The following ITCH variants were observed in gnomAD, a reference collection of about 807,000 sequenced individuals.
ITCH encodes E3 ubiquitin-protein ligase Itchy homolog.
Under a neutral mutation model 126.8 loss-of-function variants are expected in ITCH, and 28 were observed. The ratio of observed to expected loss-of-function variants is 0.22; its 90% CI spans 0.16 to 0.30. The LOEUF (loss-of-function observed/expected upper bound fraction) is 0.30, where lower values mean the gene tolerates loss of function less well. Among genes scored for constraint, ITCH ranks in the 10% least tolerant of loss-of-function variants. The probability of loss-of-function intolerance (pLI) is 1.00; values close to 1 mark genes in which losing one functional copy is unlikely to be tolerated. For missense variants in ITCH, 631 were observed against 1,032.4 expected (o/e 0.61, Z 5.33); for synonymous variants, 342 against 340.0 (o/e 1.01, Z -0.06).
chr20:34,399,783 G>T (rs986654373), intron 3 of ITCH, among the ~76,000 whole-genome samples: 3 of 152,090 alleles, frequency 2.0e-5, no homozygotes, highest in Admixed American at 1.3e-4. Flanking sequence ...AGAGGTTGCA[G>T]TAAGCCAAGA....
chr20:34,482,355 G>A (rs1988814149), intron 20 of ITCH, among the ~76,000 whole-genome samples: 1 of 152,174 alleles, frequency 6.6e-6, no homozygotes, highest in Non-Finnish European at 1.5e-5. Flanking sequence ...AGTCCCTTCC[G>A]CCTATGAGCC....
intron 23 of ITCH, among the ~76,000 whole-genome samples, chr20:34,502,458 C>G (rs554442307): frequency 3.9e-5 from 6 of 152,096 alleles, no homozygotes; most frequent in Non-Finnish European, 7.4e-5. Context: ...CACCTGTAAT[C>G]CCAGCACTTT....
intron 3 of ITCH, chr20:34,402,465 C>G: frequency 1.3e-6 from 1 of 767,614 alleles, no homozygotes; most frequent in Non-Finnish European, 2.4e-6. Flanking sequence ...ATGGAGAGAC[C>G]ACTGAAAAAT....
intron 16 of ITCH, among the ~76,000 whole-genome samples, chr20:34,474,099 A>G (rs1427471332): frequency 6.6e-6 from 1 of 152,254 alleles, no homozygotes; most frequent in Admixed American, 6.5e-5. Flanking sequence ...TTTTTCTATC[A>G]CATTAACTAT....
chr20:34,482,897 C>G (rs576140793), intron 20 of ITCH, among the ~76,000 whole-genome samples: 1 of 152,188 alleles, frequency 6.6e-6, no homozygotes, highest in Non-Finnish European at 1.5e-5. Flanking sequence ...CATTTCCATA[C>G]GTCTTCTGAA....
chr20:34,389,026 C>T (rs2038392337), intron 2 of ITCH, among the ~76,000 whole-genome samples: 1 of 152,092 alleles, frequency 6.6e-6, no homozygotes, highest in Non-Finnish European at 1.5e-5. Flanking sequence ...GGGATTGCTT[C>T]TAGGACCACC....
At chr20:34,363,987 C>T (rs1324598849) in intron 1 of ITCH, among the ~76,000 whole-genome samples, 1 of 152,236 alleles carries the variant, frequency 6.6e-6, no homozygotes, top group African/African-American at 2.4e-5. Context: ...TGTCACTGCC[C>T]TTCCTCCGGA....
At chr20:34,482,989 T>A (rs989949267) in intron 20 of ITCH, among the ~76,000 whole-genome samples, 4 of 152,190 alleles carry the variant, frequency 2.6e-5, no homozygotes, top group African/African-American at 9.7e-5. Flanking sequence ...TGCCAACTCC[T>A]GGGGCTTCCA....
At chr20:34,491,521 T>C (rs1257865481) in intron 22 of ITCH, among the ~76,000 whole-genome samples, 1 of 152,154 alleles carries the variant, frequency 6.6e-6, no homozygotes, top group Non-Finnish European at 1.5e-5. Flanking sequence ...TGAATTACAC[T>C]CAAAATGGTT....
intron 1 of ITCH, among the ~76,000 whole-genome samples, chr20:34,368,925 G>C (rs1193434530): frequency 6.6e-6 from 1 of 152,086 alleles, no homozygotes; most frequent in Non-Finnish European, 1.5e-5. Context: ...TTTTCCCTCA[G>C]TTCTTTCTTT....
At chr20:34,476,523 C>T (rs1488486210) in intron 16 of ITCH, 2 of 1,089,402 alleles carry the variant, frequency 1.8e-6, no homozygotes, top group Non-Finnish European at 1.1e-6. Context: ...TAGTTTTAAC[C>T]TTGTGACATT....
intron 3 of ITCH, among the ~76,000 whole-genome samples, chr20:34,400,940 G>A (rs1044335092): frequency 6.6e-6 from 1 of 152,034 alleles, no homozygotes; most frequent in African/African-American, 2.4e-5. Context: ...TGTATTTTTA[G>A]TAGAGATGAG....
intron 3 of ITCH, among the ~76,000 whole-genome samples, chr20:34,401,295 T>TG (rs2038876333): frequency 6.6e-6 from 1 of 152,176 alleles, no homozygotes; most frequent in African/African-American, 2.4e-5. Context: ...TTCTTTTTTT[T>TG]GACCGGGAAA....
At chr20:34,427,502 T>C (rs1208545442) in intron 7 of ITCH, among the ~76,000 whole-genome samples, 1 of 151,932 alleles carries the variant, frequency 6.6e-6, no homozygotes, top group Non-Finnish European at 1.5e-5. Flanking sequence ...GTCCCAGCTG[T>C]TGGAGTGGGG....
intron 16 of ITCH, among the ~76,000 whole-genome samples, chr20:34,475,078 C>T (rs561623183): frequency 4.6e-5 from 7 of 151,616 alleles, no homozygotes; most frequent in South Asian, 4.2e-4. Context: ...CAGAGACGCT[C>T]CTCACTTCCT....
chr20:34,379,905 C>G (rs1229862398), intron 2 of ITCH, among the ~76,000 whole-genome samples: 12 of 129,724 alleles, frequency 9.3e-5, no homozygotes, highest in Admixed American at 2.4e-4. Flanking sequence ...CCCCCCCCCC[C>G]CTTTTTTTTT....
chr20:34,427,979 A>G (rs1346148763), intron 7 of ITCH, among the ~76,000 whole-genome samples: 1 of 152,224 alleles, frequency 6.6e-6, no homozygotes, highest in Non-Finnish European at 1.5e-5. Context: ...ACTTAATGCT[A>G]TTTAATCAAT....
At chr20:34,414,003 T>G in intron 6 of ITCH, 124 bp downstream of exon 6, 1 of 818,900 alleles carries the variant, frequency 1.2e-6, no homozygotes, top group Non-Finnish European at 1.9e-6. Context: ...TTCTGGCCGG[T>G]GTGGTGGCTC....
intron 2 of ITCH, among the ~76,000 whole-genome samples, chr20:34,372,731 G>A (rs531331855): frequency 6.6e-6 from 1 of 152,204 alleles, no homozygotes; most frequent in South Asian, 2.1e-4. Flanking sequence ...GGAAACGTAA[G>A]TATAGAAAGT....
Sources: allele counts gnomAD v4.1 joint callset (sites outside exome capture counted in the v4.1 genomes callset), GRCh38; gene constraint gnomAD v4.1.1; transcripts MANE v1.5; gene names NCBI Gene and HGNC (gene_info 2026-07-23, HGNC 2026-07-21).